TMEM117: variants seen among roughly 807,000 people sequenced by gnomAD.
TMEM117 encodes transmembrane protein 117.
TMEM117 carries 27 observed loss-of-function variants against 52.4 expected under a neutral mutation model. The ratio of observed to expected loss-of-function variants is 0.51; its 90% CI spans 0.38 to 0.71. The LOEUF is 0.71. Among genes scored for constraint, TMEM117 ranks in the 30% least tolerant of loss-of-function variants. TMEM117 has a pLI of 0.00. For synonymous variants in TMEM117, 215 were observed against 206.3 expected, an observed-to-expected ratio of 1.04 and a Z score of -0.36; for missense variants, 556 against 630.5, an observed-to-expected ratio of 0.88 and a Z score of 1.26.
At chr12:43,972,680 G>A (rs150936387) in intron 3 of TMEM117, among the ~76,000 whole-genome samples, 2 of 152,162 alleles carry the variant, frequency 1.3e-5, no homozygotes, top group East Asian at 1.9e-4. Flanking sequence ...TGATTGGTGC[G>A]TTTTTACAGA....
At chr12:43,955,929 G>T (rs1945298557) in intron 3 of TMEM117, among the ~76,000 whole-genome samples, 1 of 152,096 alleles carries the variant, frequency 6.6e-6, no homozygotes, top group Admixed American at 6.6e-5. Context: ...GCATGGTACT[G>T]GTACGAAAAT....
intron 5 of TMEM117, among the ~76,000 whole-genome samples, chr12:44,272,683 AC>A (rs1475859674): frequency 2.0e-5 from 3 of 152,238 alleles, no homozygotes; most frequent in Non-Finnish European, 4.4e-5. Flanking sequence ...ACCATCTCAC[AC>A]CAGTTAGAAT....
At chr12:43,797,512 C>T in the TMEM117 span, 4 of 1,426,492 alleles carry the variant, frequency 2.8e-6, no homozygotes, top group Non-Finnish European at 2.8e-6. Context: ...TAAGTTAAAA[C>T]ATATAATAAA....
intron 7 of TMEM117, among the ~76,000 whole-genome samples, chr12:44,386,033 C>T (rs1321571292): frequency 6.6e-6 from 1 of 152,138 alleles, no homozygotes; most frequent in Non-Finnish European, 1.5e-5. Flanking sequence ...TCAAGGACCA[C>T]ATGAATTGTT....
At chr12:44,120,095 G>A (rs1948208904) in intron 3 of TMEM117, among the ~76,000 whole-genome samples, 1 of 152,110 alleles carries the variant, frequency 6.6e-6, no homozygotes, top group South Asian at 2.1e-4. Context: ...TAGCACCTGG[G>A]CAATTGTCTG....
At chr12:44,107,476 A>C (rs1565830936) in intron 3 of TMEM117, among the ~76,000 whole-genome samples, 1 of 152,126 alleles carries the variant, frequency 6.6e-6, no homozygotes, top group Non-Finnish European at 1.5e-5. Context: ...ACAGTGGTTT[A>C]AGAGCATTGT....
intron 3 of TMEM117, among the ~76,000 whole-genome samples, chr12:44,053,001 G>A (rs73089752): frequency 0.093 from 14,099 of 152,072 alleles, 1,020 homozygotes; most frequent in African/African-American, 0.19. Flanking sequence ...TGGTGTCCAG[G>A]TCAGGGTGCA....
chr12:44,058,718 ATCTGAGCCCTATAGAC>A (rs1341826465), intron 3 of TMEM117, among the ~76,000 whole-genome samples: 1 of 152,178 alleles, frequency 6.6e-6, no homozygotes, highest in East Asian at 1.9e-4. Context: ...AGAAGATGAA[ATCTGAGCCCTATAGAC>A]TCATGGATTT....
intron 5 of TMEM117, among the ~76,000 whole-genome samples, chr12:44,277,596 C>A (rs1950529683): frequency 6.6e-6 from 1 of 151,868 alleles, no homozygotes; most frequent in Admixed American, 6.6e-5. Flanking sequence ...GTTCCTTGCA[C>A]TTATAGAACT....
chr12:44,083,984 G>T (rs1329980263), intron 3 of TMEM117, among the ~76,000 whole-genome samples: 1 of 151,952 alleles, frequency 6.6e-6, no homozygotes, highest in Admixed American at 6.6e-5. Context: ...AAAATATTTT[G>T]AGCACAACTG....
chr12:44,031,315 T>C (rs745405215), intron 3 of TMEM117, among the ~76,000 whole-genome samples: 1 of 152,214 alleles, frequency 6.6e-6, no homozygotes, highest in Non-Finnish European at 1.5e-5. Flanking sequence ...AACCAAAATT[T>C]GTCAATTGTG....
intron 6 of TMEM117, among the ~76,000 whole-genome samples, chr12:44,354,815 TAAAAA>T (rs558871756): frequency 6.7e-6 from 1 of 149,612 alleles, no homozygotes; most frequent in Admixed American, 6.7e-5. Flanking sequence ...TTTTAAAAAT[TAAAAA>T]AAAAATCACT....
intron 6 of TMEM117, among the ~76,000 whole-genome samples, chr12:44,360,944 C>T (rs1951712898): frequency 6.6e-6 from 1 of 152,122 alleles, no homozygotes; most frequent in African/African-American, 2.4e-5. Flanking sequence ...AAACCATTCT[C>T]ATTTTTATGG....
intron 5 of TMEM117, among the ~76,000 whole-genome samples, chr12:44,254,512 A>T (rs564820464): frequency 6.6e-6 from 1 of 152,176 alleles, no homozygotes; most frequent in South Asian, 2.1e-4. Context: ...AAACATTCTC[A>T]TACTCTACTG....
At chr12:43,816,441 C>G in the TMEM117 span, among the ~76,000 whole-genome samples, 4 of 152,232 alleles carry the variant, frequency 2.6e-5, no homozygotes, top group African/African-American at 9.6e-5. Context: ...CTGTCCACTA[C>G]CTATGACTTT....
chr12:44,065,642 A>G (rs1215180770), intron 3 of TMEM117, among the ~76,000 whole-genome samples: 1 of 152,214 alleles, frequency 6.6e-6, no homozygotes, highest in Non-Finnish European at 1.5e-5. Flanking sequence ...TTTGGTAAAA[A>G]TCCATGTAAA....
At chr12:44,212,985 T>A (rs544474809) in intron 5 of TMEM117, among the ~76,000 whole-genome samples, 1 of 152,198 alleles carries the variant, frequency 6.6e-6, no homozygotes, top group Non-Finnish European at 1.5e-5. Context: ...AAAATGAATA[T>A]GATTTTTTAG....
intron 6 of TMEM117, among the ~76,000 whole-genome samples, chr12:44,307,283 T>C (rs570562582): frequency 6.6e-6 from 1 of 152,360 alleles, no homozygotes; most frequent in South Asian, 2.1e-4. Context: ...AGATAAGTTA[T>C]TCCAACTGAT....
chr12:44,356,044 C>T (rs56888768), intron 6 of TMEM117, among the ~76,000 whole-genome samples: 2,236 of 152,098 alleles, frequency 0.015, 70 homozygotes, highest in African/African-American at 0.05. Flanking sequence ...AGGCAGATGC[C>T]ACATGGTAAA....
Sources: gnomAD v4.1 joint callset for allele counts (sites outside exome capture counted in the v4.1 genomes callset) on GRCh38, gnomAD v4.1.1 for gene constraint, MANE v1.5 for transcripts, NCBI Gene and HGNC (gene_info 2026-07-23, HGNC 2026-07-21) for gene names.